SSH2: variants seen among roughly 807,000 people sequenced by gnomAD.
The protein encoded by SSH2 is slingshot protein phosphatase 2.
A neutral mutation model predicts 135.2 loss-of-function variants in SSH2; 37 were observed. That is an observed-to-expected ratio of 0.27 (90% confidence interval 0.21 to 0.36). The LOEUF is 0.36. SSH2 is among the 10% of genes least tolerant of loss of function. SSH2 has a pLI of 1.00. For synonymous variants in SSH2, 628 were observed against 646.2 expected (o/e 0.97, Z 0.43); for missense variants, 1,408 against 1,765.3 (o/e 0.80, Z 3.63).
chr17:29,801,954 T>C lies in SSH2; in HGVS notation c.145-8017A>G, dbSNP rs186179145. Among the ~76,000 whole-genome samples the C allele has an allele frequency of 1.9e-3, 284 of 152,356 alleles. 1 individual carries two copies. The highest frequency in any genetic ancestry group is 3.6e-3 in the Non-Finnish European group (242 of 68,028). On this transcript the variant is annotated intron_variant, in intron 2 of 15. Coordinates refer to ENST00000540801, the MANE Select transcript of SSH2 (RefSeq NM_001282129.2). Reference sequence around the variant, plus strand: ...GCCTGTGGCTAAGATCTGGCAGTAATACCTTAATACCTTACCCAAAGACTA... The same window carrying C: ...GCCTGTGGCTAAGATCTGGCAGTAACACCTTAATACCTTACCCAAAGACTA...
chr17:29,892,932 C>T (rs1286911964), intron 1 of SSH2, among the ~76,000 whole-genome samples: 2 of 151,994 alleles, frequency 1.3e-5, no homozygotes, highest in East Asian at 3.9e-4. Flanking sequence ...GAGCCCTTCT[C>T]TCACCCTAAA....
In SSH2 at chr17:29,631,526, G is replaced by T. The variant is rs765592759; in HGVS notation, c.3668C>A (p.Thr1223Asn). The part of the protein sequence containing the change: ...LSLISKLGDN[T>N]GELQEKMDPL... ...GTCCATTTTCTCCTGTAACTCCCCA[G>T]TGTTGTCACCAAGTTTGCTAATTAA... The change falls in exon 16 of 16, where the codon ACT becomes AAT. Residue 1223 changes from threonine (T) to asparagine (N), a missense_variant. By Grantham distance (65) the Thr-to-Asn change is moderately conservative. Coordinates refer to ENST00000540801, the MANE Select transcript of SSH2 (RefSeq NM_001282129.2). 3 of 1,614,174 alleles carry T rather than the reference G, an allele frequency of 1.9e-6. No homozygotes were observed. The Admixed American group carries it at 5.0e-5, about 27-fold the overall frequency.
intron 14 of SSH2, among the ~76,000 whole-genome samples, chr17:29,638,457 C>A (rs2036007700): frequency 6.7e-6 from 1 of 150,202 alleles, no homozygotes; most frequent in Non-Finnish European, 1.5e-5. Flanking sequence ...AATAGTGATT[C>A]TTTCAAGAAA....
At chr17:29,850,802 G>A (rs954360648) in intron 1 of SSH2, among the ~76,000 whole-genome samples, 2 of 152,150 alleles carry the variant, frequency 1.3e-5, no homozygotes, top group African/African-American at 2.4e-5. Flanking sequence ...TGACTAACAT[G>A]GTGAAACCCC....
intron 14 of SSH2, chr17:29,645,790 C>G (rs1269809735): frequency 6.6e-6 from 1 of 152,162 alleles, no homozygotes; most frequent in Non-Finnish European, 1.5e-5. Context: ...CTCCCAGCCT[C>G]CTAAGAGAAT....
intron 3 of SSH2, among the ~76,000 whole-genome samples, chr17:29,733,293 A>G (rs1423853022): frequency 6.6e-6 from 1 of 152,256 alleles, no homozygotes; most frequent in Non-Finnish European, 1.5e-5. Flanking sequence ...GGTGCCCTCA[A>G]AAGGAAGCTA....
At chr17:29,780,152 G>T (rs1357699279) in intron 3 of SSH2, among the ~76,000 whole-genome samples, 2 of 151,628 alleles carry the variant, frequency 1.3e-5, no homozygotes, top group Non-Finnish European at 2.9e-5. Context: ...GGGAGGCGGA[G>T]GTTGCAGTGA....
At chr17:29,659,182 T>TA (rs751726281) in intron 11 of SSH2, among the ~76,000 whole-genome samples, 5 of 152,214 alleles carry the variant, frequency 3.3e-5, no homozygotes, top group Non-Finnish European at 5.9e-5. Flanking sequence ...ACTGATATAA[T>TA]AGTTTATTCA....
At chr17:29,682,155 T>C (rs2151072118) in intron 6 of SSH2, among the ~76,000 whole-genome samples, 1 of 152,274 alleles carries the variant, frequency 6.6e-6, no homozygotes, top group Admixed American at 6.5e-5. Context: ...TAGGACAAAG[T>C]GAAAGAGAAA....
chr17:29,631,023 C>G lies in SSH2; in HGVS notation c.4171G>C (p.Glu1391Gln). 1 of 1,614,134 alleles carries G rather than the reference C, an allele frequency of 6.2e-7. No homozygotes were observed. ...AGGCCTCCTTCAGAACTAGTCAATT[C>G]AAGTCCTGCCCTGGGGAGCAAATAC... The part of the protein sequence containing the change: ...QQYLLPRAGL[E>Q]LTSSEGGLPV... Residue 1391 changes from glutamate to glutamine, a missense_variant, in exon 16 of 16, where the codon GAA (glutamate) becomes CAA (glutamine). This residue lies in a region of SSH2 where 1,080 missense variants were observed against 1,144.5 expected (regional missense o/e 0.94). Transcript: ENST00000540801.
intron 2 of SSH2, among the ~76,000 whole-genome samples, chr17:29,800,720 G>C (rs1336150894): frequency 6.6e-6 from 1 of 151,548 alleles, no homozygotes; most frequent in Admixed American, 6.6e-5. Context: ...GCTTTTTTAT[G>C]ATCAAATTTC....
At chr17:29,892,810 G>C (rs1248119128) in intron 1 of SSH2, among the ~76,000 whole-genome samples, 8 of 151,686 alleles carry the variant, frequency 5.3e-5, no homozygotes, top group Non-Finnish European at 2.9e-5. Flanking sequence ...CCAGAAACTT[G>C]CTCCATGAAT....
chr17:29,808,859 A>G (rs930836378), intron 2 of SSH2, among the ~76,000 whole-genome samples: 3 of 152,208 alleles, frequency 2.0e-5, no homozygotes, highest in Admixed American at 1.3e-4. Context: ...TAACAACTAA[A>G]TAAAAAGGTT....
At chr17:29,897,513 C>T (rs1330153482) in intron 1 of SSH2, among the ~76,000 whole-genome samples, 1 of 152,042 alleles carries the variant, frequency 6.6e-6, no homozygotes, top group African/African-American at 2.4e-5. Flanking sequence ...TTTAAACCAA[C>T]AAAGATCAAA....
intron 1 of SSH2, among the ~76,000 whole-genome samples, chr17:29,909,892 A>G (rs2066734108): frequency 6.6e-6 from 1 of 152,214 alleles, no homozygotes; most frequent in Admixed American, 6.5e-5. Flanking sequence ...ACCTGACAGC[A>G]CTTGAACAAA....
In SSH2 at chr17:29,818,314, T is replaced by C. The variant is rs539727526; in HGVS notation, c.145-24377A>G. Among the ~76,000 whole-genome samples the C allele has an allele frequency of 1.1e-4, 16 of 151,872 alleles. No homozygotes were observed. In the South Asian group the frequency reaches 3.1e-3, roughly 30 times the overall value. On this transcript the variant is annotated intron_variant, in intron 2 of 15. Coordinates refer to ENST00000540801, the MANE Select transcript of SSH2 (RefSeq NM_001282129.2). ...CCCAGGCTGAAGTGCAGTTGCGTGA[T>C]CTTGGCTCACTGCAAGCTCCGCCTC...
chr17:29,765,791 C>T (rs185378864), intron 3 of SSH2, among the ~76,000 whole-genome samples: 46 of 151,900 alleles, frequency 3.0e-4, no homozygotes, highest in East Asian at 2.1e-3. Context: ...AGGCCGAGGC[C>T]GGTGGATCAC....
intron 3 of SSH2, among the ~76,000 whole-genome samples, chr17:29,787,321 G>T (rs967191131): frequency 5.3e-5 from 8 of 152,068 alleles, no homozygotes; most frequent in Non-Finnish European, 8.8e-5. Flanking sequence ...CTTTTTAAAG[G>T]CTGAACAATA....
chr17:29,789,033 TTA>T (rs2042018901), intron 3 of SSH2, among the ~76,000 whole-genome samples: 1 of 152,176 alleles, frequency 6.6e-6, no homozygotes, highest in African/African-American at 2.4e-5. Flanking sequence ...GCAATCCTTG[TTA>T]TAAAGTGGCA....
Sources: gnomAD v4.1 joint callset for allele counts (sites outside exome capture counted in the v4.1 genomes callset) on GRCh38, gnomAD v4.1.1 for gene constraint, gnomAD v4.1.1 regional missense constraint, MANE v1.5 for transcripts, NCBI Gene and HGNC (gene_info 2026-07-23, HGNC 2026-07-21) for gene names.